ANO3: variants seen among roughly 807,000 people sequenced by gnomAD.
ANO3 encodes the protein anoctamin 3.
Under a neutral mutation model 144.8 loss-of-function variants are expected in ANO3, and 99 were observed. The ratio of observed to expected loss-of-function variants is 0.68; its 90% CI spans 0.58 to 0.81. The LOEUF is 0.81. ANO3 is among the 30% of genes least tolerant of loss of function. The pLI is 0.00. For missense variants in ANO3, 905 were observed against 1,202.2 expected (o/e 0.75, Z 3.66); for synonymous variants, 414 against 392.6 (o/e 1.05, Z -0.64).
At chr11:26,189,725 C>T (rs1341593588) in intron 1 of ANO3, among the ~76,000 whole-genome samples, 1 of 152,030 alleles carries the variant, frequency 6.6e-6, no homozygotes, top group African/African-American at 2.4e-5. Context: ...ATCTCTCATT[C>T]GTATGCACAA....
At chr11:26,431,049 T>C (rs1858071845) in intron 1 of ANO3, among the ~76,000 whole-genome samples, 1 of 152,232 alleles carries the variant, frequency 6.6e-6, no homozygotes, top group Non-Finnish European at 1.5e-5. Flanking sequence ...ATGTTCAGTA[T>C]GGTTGTCATC....
intron 1 of ANO3, among the ~76,000 whole-genome samples, chr11:26,416,924 T>C (rs904668094): frequency 6.6e-6 from 1 of 152,108 alleles, no homozygotes; most frequent in Non-Finnish European, 1.5e-5. Context: ...GTGGTCTAAA[T>C]TGGCTAAACT....
intron 4 of ANO3, among the ~76,000 whole-genome samples, chr11:26,487,235 A>G (rs1357530747): frequency 2.6e-5 from 4 of 152,104 alleles, no homozygotes; most frequent in African/African-American, 7.2e-5. Flanking sequence ...CGCTATTCTC[A>G]TGATAGTGAA....
intron 1 of ANO3, among the ~76,000 whole-genome samples, chr11:26,360,195 T>TC (rs1300276884): frequency 1.0e-4 from 13 of 126,518 alleles, no homozygotes; most frequent in Non-Finnish European, 1.8e-4. Flanking sequence ...CCTTTTTTTT[T>TC]CCACTTACTG....
chr11:26,573,563 A>T (rs539272029), intron 14 of ANO3, among the ~76,000 whole-genome samples: 2 of 152,258 alleles, frequency 1.3e-5, no homozygotes, highest in South Asian at 4.1e-4. Context: ...TTTCTGCAAT[A>T]TGTGTGGGAA....
intron 1 of ANO3, among the ~76,000 whole-genome samples, chr11:26,348,425 G>A (rs1029862370): frequency 3.3e-5 from 5 of 152,086 alleles, no homozygotes; most frequent in Non-Finnish European, 2.9e-5. Flanking sequence ...TCTGGCCTGG[G>A]TATCGATAAT....
At chr11:26,262,711 T>G (rs2133828756) in intron 1 of ANO3, among the ~76,000 whole-genome samples, 1 of 146,956 alleles carries the variant, frequency 6.8e-6, no homozygotes, top group East Asian at 2.4e-4. Context: ...ATTAGTATCC[T>G]TATAGTAAAC....
chr11:26,520,376 A>G (rs1410346416), intron 6 of ANO3, among the ~76,000 whole-genome samples: 6 of 152,118 alleles, frequency 3.9e-5, no homozygotes, highest in Non-Finnish European at 7.4e-5. Context: ...AAAATGAAAA[A>G]GGGGGGGAAA....
rs754218796 is a variant in ANO3, at chr11:26,537,007, T to TA, written c.977-399_977-398insA. Among the ~76,000 whole-genome samples the TA allele has an allele frequency of 2.4e-3, 302 of 127,424 alleles. 1 individual carries two copies. The highest frequency in any genetic ancestry group is 7.9e-3 in the Admixed American group (105 of 13,272). 83.6% of individuals were successfully genotyped at this position (127,424 alleles called of 152,430 possible). The stretch of plus-strand genomic sequence containing the variant: ...TTTCTCAATACCAATATCCTTTAAA[T>TA]TTTTTTTTTTTTTTTTGGTAGGGGA... On this transcript the variant is annotated intron_variant, in intron 9 of 26. Transcript: ENST00000256737.
At chr11:26,525,071 C>G (rs1849127621) in intron 6 of ANO3, among the ~76,000 whole-genome samples, 1 of 152,114 alleles carries the variant, frequency 6.6e-6, no homozygotes, top group Non-Finnish European at 1.5e-5. Flanking sequence ...AGCTCCCTTT[C>G]CTGGGTATTT....
chr11:26,294,895 T>C (rs1019294633), intron 1 of ANO3, among the ~76,000 whole-genome samples: 1 of 151,842 alleles, frequency 6.6e-6, no homozygotes, highest in Non-Finnish European at 1.5e-5. Context: ...TTTTTAAATG[T>C]ATTTATTTAT....
At chr11:26,285,492 C>T (rs1853786117) in intron 1 of ANO3, among the ~76,000 whole-genome samples, 1 of 152,080 alleles carries the variant, frequency 6.6e-6, no homozygotes, top group Admixed American at 6.6e-5. Context: ...TAAACATGGT[C>T]CGTGAATCTC....
At chr11:26,401,506 C>T (rs145349847) in intron 1 of ANO3, among the ~76,000 whole-genome samples, 1 of 151,886 alleles carries the variant, frequency 6.6e-6, no homozygotes. Context: ...AGTGTCCAAG[C>T]GAGAAGTTGG....
intron 1 of ANO3, among the ~76,000 whole-genome samples, chr11:26,193,532 G>T (rs1851520164): frequency 6.6e-6 from 1 of 152,050 alleles, no homozygotes; most frequent in Non-Finnish European, 1.5e-5. Flanking sequence ...CTTTAATTTT[G>T]ATTGCCCTTT....
chr11:26,558,191 T>C (rs1452917330), intron 13 of ANO3, among the ~76,000 whole-genome samples: 1 of 152,170 alleles, frequency 6.6e-6, no homozygotes, highest in East Asian at 1.9e-4. Flanking sequence ...CAAACTATGA[T>C]AAGTTCATGC....
chr11:26,452,623 C>T (rs191725533), intron 3 of ANO3, among the ~76,000 whole-genome samples: 1,909 of 152,222 alleles, frequency 0.013, 19 homozygotes, highest in Non-Finnish European at 0.019. Flanking sequence ...CTGAAAGTGA[C>T]GGGGAGAATG....
chr11:26,421,111 C>T (rs760817592), intron 1 of ANO3, among the ~76,000 whole-genome samples: 2 of 151,934 alleles, frequency 1.3e-5, no homozygotes, highest in Non-Finnish European at 2.9e-5. Flanking sequence ...TAACGGGACT[C>T]TTAAGATAAT....
At chr11:26,279,850 G>A (rs1187850197) in intron 1 of ANO3, among the ~76,000 whole-genome samples, 2 of 152,158 alleles carry the variant, frequency 1.3e-5, no homozygotes, top group Non-Finnish European at 2.9e-5. Context: ...AAACAGAATA[G>A]GATGGGAGTA....
chr11:26,406,476 T>C (rs74965649), intron 1 of ANO3, among the ~76,000 whole-genome samples: 2 of 151,990 alleles, frequency 1.3e-5, no homozygotes, highest in African/African-American at 2.4e-5. Context: ...TATATTTCTA[T>C]AGAATTTTTA....
Sources: gnomAD v4.1 joint callset for allele counts (sites outside exome capture counted in the v4.1 genomes callset) on GRCh38, gnomAD v4.1.1 for gene constraint, MANE v1.5 for transcripts, NCBI Gene and HGNC (gene_info 2026-07-23, HGNC 2026-07-21) for gene names.